PTTG1IP: variants seen among roughly 807,000 people sequenced by gnomAD.
The protein encoded by PTTG1IP is PTTG1 interacting protein.
PTTG1IP carries 16 observed loss-of-function variants against 24.4 expected under a neutral mutation model. The ratio of observed to expected loss-of-function variants is 0.66; its 90% CI spans 0.44 to 1.00. The LOEUF is 1.00. PTTG1IP is among the 50% of genes least tolerant of loss of function. The pLI, the probability that PTTG1IP is intolerant of heterozygous loss-of-function variation, is 0.00. For synonymous variants in PTTG1IP, 89 were observed against 96.8 expected (o/e 0.92, Z 0.47); for missense variants, 241 against 245.8 (o/e 0.98, Z 0.13).
rs772953103 is a variant in PTTG1IP at position 44,851,613 on chromosome 21, C to G, written c.511G>C (p.Glu171Gln). The G allele has an allele frequency of 1.1e-5, 18 of 1,582,990 alleles. No individual in the cohort carries two copies. The highest frequency in any genetic ancestry group is 1.5e-5 in the Non-Finnish European group (17 of 1,156,376). The part of the protein sequence containing the change: ...IRKKYGLFKE[E>Q]NPYARFENN ...TTTTCAAATCTAGCATACGGGTTTT[C>G]TTCTTTAAACAGGCCTGAAACAAAA... Residue 171 changes from glutamate to glutamine, a missense_variant, in exon 6 of 6, where the codon GAA (glutamate) becomes CAA (glutamine). Physicochemically the swap from Glu to Gln is conservative, Grantham distance 29 (BLOSUM62 2). Coordinates refer to ENST00000330938, the MANE Select transcript of PTTG1IP (RefSeq NM_004339.4).
chr21:44,873,008 C>T (rs978082302), intron 1 of PTTG1IP: 11 of 151,826 alleles, frequency 7.2e-5, no homozygotes, highest in African/African-American at 2.7e-4. Flanking sequence ...GCGTGAACGC[C>T]GGCGGCTGTA....
chr21:44,870,042 C>A (rs1026920031), intron 1 of PTTG1IP, among the ~76,000 whole-genome samples: 1 of 152,130 alleles, frequency 6.6e-6, no homozygotes, highest in African/African-American at 2.4e-5. Context: ...TCTGGATTAC[C>A]GGTCAGTCTG....
At chr21:44,865,745 G>A in intron 1 of PTTG1IP, 1 of 524,742 alleles carries the variant, frequency 1.9e-6, no homozygotes, top group African/African-American at 1.9e-5. Context: ...CTGTGTTTCA[G>A]ATCTCTCTGT....
At chr21:44,870,262 C>T (rs986304227) in intron 1 of PTTG1IP, among the ~76,000 whole-genome samples, 2 of 152,094 alleles carry the variant, frequency 1.3e-5, no homozygotes, top group African/African-American at 4.8e-5. Context: ...AAAGAAAGGC[C>T]GGGTGCAGTG....
chr21:44,870,307 G>A (rs541716330), intron 1 of PTTG1IP, among the ~76,000 whole-genome samples: 3 of 152,248 alleles, frequency 2.0e-5, no homozygotes, highest in African/African-American at 7.2e-5. Flanking sequence ...TTGGGAGGCC[G>A]AGGTGGGCAG....
intron 2 of PTTG1IP, among the ~76,000 whole-genome samples, chr21:44,863,890 G>A (rs2083513910): frequency 6.6e-6 from 1 of 152,064 alleles, no homozygotes; most frequent in African/African-American, 2.4e-5. Flanking sequence ...GTCTCGTGGA[G>A]GAAGAAGAGT....
At chr21:44,870,814 A>AAAC (rs1007175583) in intron 1 of PTTG1IP, among the ~76,000 whole-genome samples, 3 of 152,244 alleles carry the variant, frequency 2.0e-5, no homozygotes, top group Non-Finnish European at 4.4e-5. Context: ...TTAAAGGAAA[A>AAAC]AACAACAACA....
chr21:44,857,402 G>A (rs1415907124), intron 3 of PTTG1IP, among the ~76,000 whole-genome samples: 2 of 152,280 alleles, frequency 1.3e-5, no homozygotes, highest in East Asian at 1.9e-4. Flanking sequence ...TGGGAGGATC[G>A]CTTGAGCTTG....
In PTTG1IP at chr21:44,873,375, C is replaced by T. The variant is rs1220646752; in HGVS notation, c.115+127G>A. The T allele has an allele frequency of 5.2e-6, 5 of 967,892 alleles. No homozygotes were observed. The East Asian group carries it at 2.1e-4, about 42-fold the overall frequency. The allele number at this position is 967,892 out of a possible 1,614,324, so 60.0% of individuals were successfully genotyped here. The stretch of plus-strand genomic sequence containing the variant: ...TCGAGGAGCCTCCGTCGGGGCGCTG[C>T]CTGCGACCGTGGGCCCAGGCCGCCC... On this transcript the variant is annotated intron_variant, in intron 1 of 5. Coordinates refer to ENST00000330938, the MANE Select transcript of PTTG1IP (RefSeq NM_004339.4).
In PTTG1IP at chr21:44,860,550, G is replaced by A. The variant is rs566089597; in HGVS notation, c.277+613C>T. 3.3e-5 allele frequency among the ~76,000 whole-genome samples: 5 copies of A among 152,262 alleles called. No homozygotes were observed. The East Asian group carries it at 9.7e-4, about 29-fold the overall frequency. ...GGGAATTCACAGGTGAGTTTCAGGG[G>A]TGACACATGAACAAAACATACTGAG... On this transcript the variant is annotated intron_variant, in intron 3 of 5. Transcript: ENST00000330938.
Position 44,851,218 on chromosome 21 carries a change from A to G in PTTG1IP, c.*363T>C. 1 of 1,014,052 alleles carries G rather than the reference A, an allele frequency of 9.9e-7. No homozygotes were observed. The highest frequency in any genetic ancestry group is 1.6e-5 in the African/African-American group (1 of 61,416). 62.8% of individuals were successfully genotyped at this position (1,014,052 alleles called of 1,614,324 possible). On this transcript the variant is annotated 3_prime_UTR_variant, in exon 6 of 6. Transcript: ENST00000330938. ...TTGCGTGTGAAGCTTGTTAGTGGAC[A>G]GAGAGAAACGCAGGGTTCTGCCCTG...
At chr21:44,861,776 AC>A (rs1296205261) in intron 2 of PTTG1IP, 1 of 717,294 alleles carries the variant, frequency 1.4e-6, no homozygotes, top group African/African-American at 1.7e-5. Flanking sequence ...CACGCCGGGC[AC>A]CTGTGCACTT....
intron 1 of PTTG1IP, among the ~76,000 whole-genome samples, chr21:44,872,702 G>A (rs1208692742): frequency 6.6e-6 from 1 of 152,230 alleles, no homozygotes; most frequent in East Asian, 1.9e-4. Context: ...CTCCTGTCAT[G>A]CACTTTCCTC....
chr21:44,865,983 C>A, intron 1 of PTTG1IP: 1 of 198,562 alleles, frequency 5.0e-6, no homozygotes, highest in Non-Finnish European at 1.1e-5. Flanking sequence ...CTGGGCTATG[C>A]TCCCTGTACC....
intron 2 of PTTG1IP, among the ~76,000 whole-genome samples, chr21:44,864,218 G>A (rs8126687): frequency 0.27 from 41,171 of 152,130 alleles, 5,752 homozygotes; most frequent in Middle Eastern, 0.38. Context: ...ACCACTTCCC[G>A]CTGCCGTGGG....
rs1438277111 is a variant in PTTG1IP at position 44,873,512 on chromosome 21, A to T, written c.105T>A (p.Pro35=). Residue 35 remains proline (P), a synonymous_variant, in exon 1 of 6, where the codon CCT becomes CCA. Coordinates refer to ENST00000330938, the MANE Select transcript of PTTG1IP (RefSeq NM_004339.4). Reference sequence around the variant, plus strand: ...CCCCGGCGCCCTCACCAGCTCCGGGAGGCTCCTGCGCGGCGGCCACCGGGA... The same window carrying T: ...CCCCGGCGCCCTCACCAGCTCCGGGTGGCTCCTGCGCGGCGGCCACCGGGA... ...LLIPVAAAQE[P]PGAACSQNTN... 17 of 1,451,900 alleles carry T rather than the reference A, an allele frequency of 1.2e-5. No individual in the cohort carries two copies. The highest frequency in any genetic ancestry group is 1.4e-5 in the Non-Finnish European group (16 of 1,108,124). The allele number at this position is 1,451,900 out of a possible 1,614,324, so 89.9% of individuals were successfully genotyped here.
intron 1 of PTTG1IP, among the ~76,000 whole-genome samples, chr21:44,867,458 C>T (rs1020696488): frequency 6.6e-6 from 1 of 152,162 alleles, no homozygotes; most frequent in Non-Finnish European, 1.5e-5. Flanking sequence ...GCTGAATCTT[C>T]CAGATCGAGG....
At chr21:44,864,955 G>A (rs1382268601) in intron 2 of PTTG1IP, among the ~76,000 whole-genome samples, 2 of 152,164 alleles carry the variant, frequency 1.3e-5, no homozygotes, top group Non-Finnish European at 2.9e-5. Context: ...CTGGCCCACC[G>A]GCCCAGAGGG....
rs1309876073 is a variant in PTTG1IP at position 44,856,298 on chromosome 21, A to C, written c.344T>G (p.Ile115Ser). Residue 115 changes from isoleucine to serine, a missense_variant, in exon 4 of 6, where the codon ATC (isoleucine) becomes AGC (serine). By Grantham distance (142) the Ile-to-Ser change is moderately radical. Coordinates refer to ENST00000330938, the MANE Select transcript of PTTG1IP (RefSeq NM_004339.4). Reference protein sequence around the residue: ...VGGTLLLGIAICCCCCCRRKR... With the variant: ...VGGTLLLGIASCCCCCCRRKR... ...CCTCCTGCAGCAGCAGCAGCAGCAG[A>C]TGGCAATGCCCAGGAGGAGGGTTCC... The C allele has an allele frequency of 1.9e-6, 3 of 1,614,002 alleles. No homozygotes were observed. Among genetic ancestry groups the C allele is most frequent in the Admixed American group, 1.7e-5 (1 of 59,996 alleles).
Sources: allele counts gnomAD v4.1 joint callset (sites outside exome capture counted in the v4.1 genomes callset), GRCh38; gene constraint gnomAD v4.1.1; transcripts MANE v1.5; gene names NCBI Gene and HGNC (gene_info 2026-07-23, HGNC 2026-07-21).